The following ARMH3 variants were observed in gnomAD, a reference collection of about 807,000 sequenced individuals.
ARMH3 encodes armadillo like helical domain containing 3.
In ARMH3, 60 loss-of-function variants were observed where a neutral mutation model predicts 99.1. The ratio of observed to expected loss-of-function variants is 0.61; its 90% CI spans 0.49 to 0.75. The LOEUF (loss-of-function observed/expected upper bound fraction) is 0.75, where lower values mean the gene tolerates loss of function less well. Among genes scored for constraint, ARMH3 ranks in the 30% least tolerant of loss-of-function variants. The pLI is 0.00. For missense variants in ARMH3, 679 were observed against 843.1 expected, an observed-to-expected ratio of 0.81 and a Z score of 2.41; for synonymous variants, 285 against 292.8, an observed-to-expected ratio of 0.97 and a Z score of 0.27.
At position 102,023,744 on chromosome 10, in the gene ARMH3, T is replaced by C. The variant is rs751853219; in HGVS notation, c.513A>G (p.Thr171=). The C allele has an allele frequency of 6.2e-7, 1 of 1,613,970 alleles. No homozygotes were observed. Among genetic ancestry groups the C allele is most frequent in the South Asian group, 1.1e-5 (1 of 91,080 alleles). ...GAATAGTGTTCTGGCTGATGTTATC[T>C]GTCACCTGAATGTAATAAAAGGCTT... ...LKLLLCLVTV[T]DNISQNTILE... is the part of the protein sequence containing the mutation. Residue 171 remains threonine, a synonymous_variant, in exon 7 of 26, where the codon ACA becomes ACG. Coordinates refer to ENST00000370033, the MANE Select transcript of ARMH3 (RefSeq NM_024541.3).
At position 101,939,858 on chromosome 10, in the gene ARMH3, C is replaced by T; in HGVS notation, c.1781+5G>A. On this transcript the variant is annotated splice_donor_5th_base_variant and intron_variant, in intron 23 of 25. Transcript: ENST00000370033. ...ACTCTGCAAGAGATACTTCTCATTCCTTACCTGATATTAACCAATGCATGG... is the reference window on the plus strand; with the variant it reads ...ACTCTGCAAGAGATACTTCTCATTCTTTACCTGATATTAACCAATGCATGG... The T allele has an allele frequency of 1.2e-6, 2 of 1,612,686 alleles. No homozygotes were observed. Among genetic ancestry groups the T allele is most frequent in the Non-Finnish European group, 1.7e-6 (2 of 1,179,308 alleles).
At chr10:101,914,571 A>G (rs1437887602) in intron 23 of ARMH3, among the ~76,000 whole-genome samples, 1 of 151,652 alleles carries the variant, frequency 6.6e-6, no homozygotes, top group Non-Finnish European at 1.5e-5. Flanking sequence ...TACTCAGTCA[A>G]AAACTTAAAA....
chr10:101,911,649 C>T (rs557166557), intron 23 of ARMH3, among the ~76,000 whole-genome samples: 6 of 152,266 alleles, frequency 3.9e-5, no homozygotes, highest in South Asian at 4.1e-4. Context: ...AAGGATCCCT[C>T]GAGCCCAGGA....
intron 19 of ARMH3, among the ~76,000 whole-genome samples, chr10:101,989,313 C>T (rs556141123): frequency 6.6e-6 from 1 of 151,956 alleles, no homozygotes; most frequent in East Asian, 1.9e-4. Flanking sequence ...GGTGGGAGGA[C>T]TGCTTGAGCC....
At chr10:102,028,324 G>A (rs2067045787) in intron 5 of ARMH3, among the ~76,000 whole-genome samples, 1 of 152,098 alleles carries the variant, frequency 6.6e-6, no homozygotes, top group Non-Finnish European at 1.5e-5. Context: ...TGAGGCAGGA[G>A]GATCACCTGA....
At chr10:102,036,218 GCCCCCGC>G (rs2136225605) in intron 2 of ARMH3, among the ~76,000 whole-genome samples, 1 of 149,048 alleles carries the variant, frequency 6.7e-6, no homozygotes, top group African/African-American at 2.5e-5. Context: ...TGGGGGGTCA[GCCCCCGC>G]CCGGCCAGCC....
intron 20 of ARMH3, among the ~76,000 whole-genome samples, chr10:101,974,772 C>A (rs1845916622): frequency 6.6e-6 from 1 of 152,022 alleles, no homozygotes; most frequent in Non-Finnish European, 1.5e-5. Context: ...CCCACCCCGT[C>A]CCCATCCCTC....
intron 23 of ARMH3, among the ~76,000 whole-genome samples, chr10:101,911,070 G>C (rs985677202): frequency 4.6e-5 from 7 of 151,264 alleles, no homozygotes; most frequent in African/African-American, 7.3e-5. Context: ...ACCCAGAGGA[G>C]GCGGAGGTTG....
intron 23 of ARMH3, among the ~76,000 whole-genome samples, chr10:101,898,105 C>A (rs1487132022): frequency 6.6e-6 from 1 of 151,964 alleles, no homozygotes; most frequent in Non-Finnish European, 1.5e-5. Flanking sequence ...GTGGACCAGG[C>A]ACGGTGGCTC....
intron 24 of ARMH3, among the ~76,000 whole-genome samples, chr10:101,852,873 C>A (rs560149156): frequency 2.0e-5 from 3 of 151,732 alleles, no homozygotes; most frequent in Non-Finnish European, 4.4e-5. Flanking sequence ...CTCCCCCTTC[C>A]GTGGCCCTTT....
intron 23 of ARMH3, among the ~76,000 whole-genome samples, chr10:101,916,677 C>T (rs1034916355): frequency 1.3e-5 from 2 of 152,134 alleles, no homozygotes; most frequent in Non-Finnish European, 2.9e-5. Context: ...AATGGTAAAT[C>T]ATTATTTCTG....
Position 102,001,981 on chromosome 10 carries a change from C to G in ARMH3, c.1140G>C (p.Gln380His), listed in dbSNP as rs1458079274. The change falls in exon 15 of 26, where the codon CAG (glutamine) becomes CAC (histidine). Residue 380 changes from glutamine (Q) to histidine (H), a missense_variant. Gln to His is a conservative substitution (Grantham distance 24, BLOSUM62 0). Transcript: ENST00000370033. ...TFLKYSSIVM[Q>H]DTKDEHRLHS... Reference sequence around the variant, plus strand: ...ATAGCTATGGCTTACCTTTGGTGTCCTGCATGACAATTGAGCTATACTTTA... The same window carrying G: ...ATAGCTATGGCTTACCTTTGGTGTCGTGCATGACAATTGAGCTATACTTTA... 1.9e-6 allele frequency: 3 copies of G among 1,614,176 alleles called. No individual in the cohort carries two copies. The highest frequency in any genetic ancestry group is 2.5e-6 in the Non-Finnish European group (3 of 1,179,998).
chr10:101,943,185 G>A (rs1042922876), intron 22 of ARMH3, among the ~76,000 whole-genome samples: 18 of 152,310 alleles, frequency 1.2e-4, no homozygotes, highest in African/African-American at 4.3e-4. Context: ...GCAGAAAGCT[G>A]GCAAGGAGGG....
intron 24 of ARMH3, among the ~76,000 whole-genome samples, chr10:101,857,074 A>C (rs1396409599): frequency 2.6e-5 from 4 of 152,150 alleles, no homozygotes; most frequent in African/African-American, 9.7e-5. Flanking sequence ...CTGAATAATC[A>C]GGTTTGCTCC....
At chr10:101,950,212 TA>T (rs1193699204) in intron 22 of ARMH3, among the ~76,000 whole-genome samples, 25 of 152,100 alleles carry the variant, frequency 1.6e-4, no homozygotes, top group African/African-American at 6.0e-4. Context: ...CATGAATGTC[TA>T]TGTAGAAAAT....
chr10:101,873,222 T>C (rs2067175903), intron 24 of ARMH3, among the ~76,000 whole-genome samples: 1 of 148,214 alleles, frequency 6.7e-6, no homozygotes, highest in Non-Finnish European at 1.5e-5. Context: ...ACCAACATAG[T>C]GAAACCCCGT....
intron 1 of ARMH3, among the ~76,000 whole-genome samples, chr10:102,041,000 G>A (rs2067397170): frequency 6.6e-6 from 1 of 150,630 alleles, no homozygotes; most frequent in Admixed American, 6.7e-5. Flanking sequence ...GAAAATAGCA[G>A]CTAAGAGGCC....
intron 23 of ARMH3, among the ~76,000 whole-genome samples, chr10:101,912,327 A>G (rs1271261791): frequency 7.2e-6 from 1 of 139,058 alleles, no homozygotes; most frequent in Non-Finnish European, 1.5e-5. Flanking sequence ...TGGGAGGCAG[A>G]GGTTGCAGTG....
At chr10:101,962,540 T>C (rs985848225) in intron 20 of ARMH3, among the ~76,000 whole-genome samples, 1 of 152,228 alleles carries the variant, frequency 6.6e-6, no homozygotes, top group Non-Finnish European at 1.5e-5. Context: ...GTAACACTTA[T>C]TAGGTGCTTG....
Sources: allele counts gnomAD v4.1 joint callset (sites outside exome capture counted in the v4.1 genomes callset), GRCh38; gene constraint gnomAD v4.1.1; transcripts MANE v1.5; gene names NCBI Gene and HGNC (gene_info 2026-07-23, HGNC 2026-07-21).